The following NLRP11 variants were observed in gnomAD, a reference collection of about 807,000 sequenced individuals.
NLRP11 encodes NACHT, LRR and PYD domains-containing protein 11.
A neutral mutation model predicts 79.3 loss-of-function variants in NLRP11; 53 were observed. The observed-to-expected ratio is 0.67, with a 90% CI of 0.54 to 0.84. NLRP11 has a LOEUF of 0.84. NLRP11 is among the 40% of genes least tolerant of loss of function. The pLI, the probability that NLRP11 is intolerant of heterozygous loss-of-function variation, is 0.00. For missense variants in NLRP11, 1,264 were observed against 1,255.0 expected (o/e 1.01, Z -0.11); for synonymous variants, 518 against 462.6 (o/e 1.12, Z -1.54).
At chr19:55,824,940 C>G (rs868619795) in intron 1 of NLRP11, among the ~76,000 whole-genome samples, 1,033 of 62,964 alleles carry the variant, frequency 0.016, 89 homozygotes, top group Admixed American at 0.028. Flanking sequence ...ACTCTCCACC[C>G]CAAATCAACA....
chr19:55,799,892 G>A (rs562986618), intron 5 of NLRP11, among the ~76,000 whole-genome samples: 1 of 152,202 alleles, frequency 6.6e-6, no homozygotes, highest in African/African-American at 2.4e-5. Context: ...GCTTAAACCC[G>A]GGAGGCGGAG....
intron 6 of NLRP11, among the ~76,000 whole-genome samples, chr19:55,794,936 A>G (rs1978678815): frequency 6.6e-6 from 1 of 152,170 alleles, no homozygotes; most frequent in African/African-American, 2.4e-5. Flanking sequence ...AAAGGGGGCG[A>G]AAGGAGCTAA....
At chr19:55,796,116 G>A in exon 6 of NLRP11, 2 of 1,613,956 alleles carry the variant, frequency 1.2e-6, no homozygotes, top group Non-Finnish European at 1.7e-6. Flanking sequence ...ATGAAGCAAG[G>A]CATCACACAG....
chr19:55,807,576 G>A (rs984278840), intron 4 of NLRP11, among the ~76,000 whole-genome samples: 1 of 152,104 alleles, frequency 6.6e-6, no homozygotes, highest in Non-Finnish European at 1.5e-5. Flanking sequence ...ACTCCATCAA[G>A]GAAGCTCCTG....
chr19:55,794,435 T>C (rs1464161547), intron 6 of NLRP11, among the ~76,000 whole-genome samples: 1 of 152,202 alleles, frequency 6.6e-6, no homozygotes, highest in African/African-American at 2.4e-5. Context: ...TGGATTTATC[T>C]GGGGCCACAT....
intron 4 of NLRP11, among the ~76,000 whole-genome samples, chr19:55,806,448 T>A (rs1979996611): frequency 6.6e-6 from 1 of 152,164 alleles, no homozygotes; most frequent in African/African-American, 2.4e-5. Context: ...CAATTCTCTC[T>A]CCTAGTCTAG....
rs138579309 is a variant in NLRP11, at chr19:55,809,680, G to A, written c.930C>T (p.Asn310=). The stretch of plus-strand genomic sequence containing the variant: ...CCCTCTGGCGGTCTTTAAAGAAAGA[G>A]TTAAAATATATCTCCCTCTTCCCAT... Residue 310 remains asparagine, a synonymous_variant, in exon 3 of 10, where the codon AAC becomes AAT. Transcript: ENST00000589093. The surrounding 1 kb of genome is among the most constrained non-coding windows in gnomAD (Gnocchi z 4.5). 7.5e-5 allele frequency: 121 copies of A among 1,614,064 alleles called. No individual in the cohort carries two copies. Among genetic ancestry groups the A allele is most frequent in the Non-Finnish European group, 8.9e-5 (105 of 1,180,028 alleles).
intron 1 of NLRP11, among the ~76,000 whole-genome samples, chr19:55,822,848 C>G (rs1277062538): frequency 1.3e-5 from 2 of 152,182 alleles, no homozygotes; most frequent in Admixed American, 1.3e-4. Context: ...GGGCGCCCGC[C>G]ATTGCCCAGG....
intron 5 of NLRP11, among the ~76,000 whole-genome samples, chr19:55,797,999 AT>A (rs376926915): frequency 1.4e-3 from 194 of 139,946 alleles, no homozygotes; most frequent in Non-Finnish European, 1.2e-3. Context: ...TATTATTATT[AT>A]TTTTTTTTTT....
chr19:55,786,760 C>T (rs1989903689), intron 9 of NLRP11, among the ~76,000 whole-genome samples: 1 of 152,026 alleles, frequency 6.6e-6, no homozygotes, highest in Non-Finnish European at 1.5e-5. Flanking sequence ...TCCCTGGCAT[C>T]ATGGAGCTCA....
upstream of NLRP11, among the ~76,000 whole-genome samples, chr19:55,832,646 A>T (rs772308719): frequency 5.9e-5 from 9 of 152,200 alleles, no homozygotes; most frequent in Non-Finnish European, 1.2e-4. Context: ...ATTACAGAAG[A>T]ATAGGGGCAT....
At chr19:55,829,018 C>T (rs16986672) in intron 1 of NLRP11, among the ~76,000 whole-genome samples, 13,275 of 152,132 alleles carry the variant, frequency 0.087, 855 homozygotes, top group East Asian at 0.23. Context: ...GGCTAACACA[C>T]GTATATACAA....
intron 1 of NLRP11, among the ~76,000 whole-genome samples, chr19:55,831,391 A>G (rs976422940): frequency 1.1e-4 from 16 of 151,424 alleles, no homozygotes; most frequent in African/African-American, 3.4e-4. Flanking sequence ...GCGAAACCCC[A>G]TCTCTACTAA....
chr19:55,806,432 T>TCG (rs1979994093), intron 4 of NLRP11, among the ~76,000 whole-genome samples: 1 of 152,184 alleles, frequency 6.6e-6, no homozygotes, highest in Non-Finnish European at 1.5e-5. Context: ...AACAAAGATC[T>TCG]TGGGACAATT....
intron 9 of NLRP11, 65 bp downstream of exon 9, chr19:55,788,742 A>AC: frequency 1.6e-4 from 9 of 56,916 alleles, no homozygotes; most frequent in South Asian, 1.3e-3. Context: ...TCTGTCTCTC[A>AC]AAAAAAAAAA....
intron 1 of NLRP11, among the ~76,000 whole-genome samples, chr19:55,821,441 C>T (rs1981728308): frequency 6.6e-6 from 1 of 152,198 alleles, no homozygotes; most frequent in South Asian, 2.1e-4. Flanking sequence ...GTAGCCCTCA[C>T]TGTAATAAGT....
exon 3 of NLRP11, chr19:55,810,123 T>C (rs765348354): frequency 6.2e-7 from 1 of 1,614,210 alleles, no homozygotes; most frequent in Non-Finnish European, 8.5e-7. Context: ...GCCAGATTTA[T>C]AACAATAGTT....
intron 1 of NLRP11, among the ~76,000 whole-genome samples, chr19:55,823,105 C>G (rs1461703002): frequency 1.4e-5 from 2 of 140,462 alleles, no homozygotes; most frequent in Non-Finnish European, 3.1e-5. Context: ...GTCCCTGACC[C>G]CTGACCCCCA....
intron 1 of NLRP11, among the ~76,000 whole-genome samples, chr19:55,824,533 G>GAC: frequency 7.5e-6 from 1 of 133,910 alleles, no homozygotes; most frequent in Non-Finnish European, 1.5e-5. Context: ...CATGTGCAGA[G>GAC]ACACACATAG....
Sources: allele counts gnomAD v4.1 joint callset (sites outside exome capture counted in the v4.1 genomes callset), GRCh38; gene constraint gnomAD v4.1.1; non-coding constraint Gnocchi (gnomAD v3.1); transcripts MANE v1.5; gene names NCBI Gene and HGNC (gene_info 2026-07-23, HGNC 2026-07-21).